The following RNF14 variants were observed in gnomAD, a reference collection of about 807,000 sequenced individuals.
RNF14 encodes the protein ring finger protein 14.
In RNF14, 26 loss-of-function variants were observed where a neutral mutation model predicts 52.6. The observed-to-expected ratio is 0.49, with a 90% CI of 0.36 to 0.69. RNF14 has a LOEUF of 0.69. Ranked by LOEUF, RNF14 falls within the 30% of genes least tolerant of loss-of-function variation. The probability of loss-of-function intolerance (pLI) is 0.00; values close to 1 mark genes in which losing one functional copy is unlikely to be tolerated. For missense variants in RNF14, 404 were observed against 560.4 expected (o/e 0.72, Z 2.82); for synonymous variants, 194 against 202.0 (o/e 0.96, Z 0.34).
At chr5:141,972,840 C>T (rs989896431) in intron 2 of RNF14, among the ~76,000 whole-genome samples, 4 of 152,184 alleles carry the variant, frequency 2.6e-5, no homozygotes, top group African/African-American at 9.7e-5. Flanking sequence ...ATTTGCCCGC[C>T]TCGGCCTACC....
rs764334086 is a variant in RNF14, at chr5:141,973,757, T to G, written c.154+15T>G. On this transcript the variant is annotated intron_variant, in intron 3 of 8. Transcript: ENST00000394520. ...ATTTGTGAGCGGTTAGTTAATAATTTCTTAAACAGATTTTTCTATTATTCT... is the reference window on the plus strand; with the variant it reads ...ATTTGTGAGCGGTTAGTTAATAATTGCTTAAACAGATTTTTCTATTATTCT... 6.3e-7 allele frequency: 1 copy of G among 1,577,916 alleles called. No individual in the cohort carries two copies. The highest frequency in any genetic ancestry group is 8.6e-7 in the Non-Finnish European group (1 of 1,165,508).
intron 2 of RNF14, among the ~76,000 whole-genome samples, chr5:141,972,712 T>C (rs946808141): frequency 4.6e-5 from 7 of 151,902 alleles, no homozygotes; most frequent in African/African-American, 1.7e-4. Context: ...TGCCTCAACC[T>C]CCCGAGTAGC....
chr5:141,955,791 G>A (rs267600464), upstream of RNF14: 3 of 1,613,828 alleles, frequency 1.9e-6, no homozygotes, highest in South Asian at 1.1e-5. This position sits in a 1 kb window ranked among gnomAD's most constrained non-coding sequence, Gnocchi z 5.5. Context: ...ACAGGGCTCG[G>A]GTCTGTAAGG....
upstream of RNF14, among the ~76,000 whole-genome samples, chr5:141,954,084 G>C (rs550656315): frequency 2.0e-5 from 3 of 150,772 alleles, no homozygotes; most frequent in African/African-American, 7.3e-5. Flanking sequence ...GCAGACACAG[G>C]GTAAGTTTGG....
Position 141,988,644 on chromosome 5 carries a change from C to T in RNF14, c.*854C>T, listed in dbSNP as rs1422157680. The T allele has an allele frequency of 1.3e-5, 2 of 152,184 alleles. No homozygotes were observed. The highest frequency in any genetic ancestry group is 2.4e-5 in the African/African-American group (1 of 41,390). The allele number at this position is 152,184 out of a possible 1,614,324, so 9.4% of individuals were successfully genotyped here. A position where few individuals can be genotyped will look rare whatever the true frequency, so the allele number is the denominator to read the frequency against. ...GTAAGGATGATTTTAATATTAATTC[C>T]AGGAACACATGTTTTTATTTCCTCT... is the stretch of plus-strand genomic sequence containing the variant. On this transcript the variant is annotated 3_prime_UTR_variant, in exon 9 of 9. Coordinates refer to ENST00000394520, the MANE Select transcript of RNF14 (RefSeq NM_004290.5).
At chr5:141,982,069 T>C (rs976043292) in intron 6 of RNF14, among the ~76,000 whole-genome samples, 1 of 152,158 alleles carries the variant, frequency 6.6e-6, no homozygotes, top group Admixed American at 6.5e-5. Flanking sequence ...GCCTTTACTT[T>C]AGACTTCTGT....
intron 5 of RNF14, among the ~76,000 whole-genome samples, chr5:141,979,379 G>C (rs1754559282): frequency 6.6e-6 from 1 of 152,088 alleles, no homozygotes; most frequent in African/African-American, 2.4e-5. Flanking sequence ...CTCCCAAGTA[G>C]CTGGGATTAC....
chr5:141,970,560 G>T lies in RNF14; in HGVS notation c.-180-144G>T, dbSNP rs1405581377. 2.0e-5 allele frequency: 3 copies of T among 152,230 alleles called. No individual in the cohort carries two copies. The East Asian group carries it at 5.8e-4, about 29-fold the overall frequency. 9.4% of individuals were successfully genotyped at this position (152,230 alleles called of 1,614,324 possible). A position where few individuals can be genotyped will look rare whatever the true frequency, so the allele number is the denominator to read the frequency against. On this transcript the variant is annotated intron_variant, in intron 1 of 8. Transcript: ENST00000394520. ...CTCCTTTAACCACATGGCTCAGTTA[G>T]CCTGCCCTAGGAGAGTAACATGCAC...
chr5:141,954,748 A>G (rs1026465465), upstream of RNF14, among the ~76,000 whole-genome samples: 3 of 152,234 alleles, frequency 2.0e-5, no homozygotes, highest in Admixed American at 2.0e-4. Flanking sequence ...ATTTACAGAT[A>G]AGACAACTAA....
At chr5:141,979,408 C>T (rs1360904375) in intron 5 of RNF14, among the ~76,000 whole-genome samples, 3 of 152,116 alleles carry the variant, frequency 2.0e-5, no homozygotes, top group Non-Finnish European at 4.4e-5. Flanking sequence ...GCCACCATGC[C>T]CGGCTAATTT....
intron 1 of RNF14, chr5:141,970,497 A>G (rs906906763): frequency 6.7e-6 from 1 of 149,052 alleles, no homozygotes; most frequent in Non-Finnish European, 1.5e-5. Context: ...GGGCAGACAG[A>G]TAAAAAGTCC....
Position 141,980,688 on chromosome 5 carries a change from G to T in RNF14, c.1063+337G>T, listed in dbSNP as rs200100128. ...CTTGGGATTTTAGTTAGGGAAAACA[G>T]GGGAGGCCTCACCGGCAAAATGGTT... On this transcript the variant is annotated intron_variant, in intron 6 of 8. Coordinates refer to ENST00000394520, the MANE Select transcript of RNF14 (RefSeq NM_004290.5). Among the ~76,000 whole-genome samples, 4 of 10,086 alleles carry T rather than the reference G, an allele frequency of 4.0e-4. No individual in the cohort carries two copies. In the South Asian group the frequency reaches 0.028, roughly 70 times the overall value. The allele number at this position is 10,086 out of a possible 152,430, so 6.6% of individuals were successfully genotyped here. A position where few individuals can be genotyped will look rare whatever the true frequency, so the allele number is the denominator to read the frequency against.
chr5:141,960,450 C>T (rs902997140), intron 1 of RNF14, among the ~76,000 whole-genome samples: 3 of 152,144 alleles, frequency 2.0e-5, no homozygotes, highest in African/African-American at 4.8e-5. Flanking sequence ...GCAAAGGCCC[C>T]GAAGTGGGCA....
In RNF14 at chr5:141,973,681, C is replaced by A; in HGVS notation, c.93C>A (p.Val31=). Residue 31 remains valine (V), a synonymous_variant, in exon 3 of 9, where the codon GTC becomes GTA. Coordinates refer to ENST00000394520, the MANE Select transcript of RNF14 (RefSeq NM_004290.5). ...ATGAATTTAGAAAAGCAGAGTCTGT[C>A]CAAGGTGGAGAAACCAGGATCTATT... ...DGDEFRKAES[V]QGGETRIYLD... The A allele has an allele frequency of 6.2e-7, 1 of 1,613,542 alleles. No homozygotes were observed. Among genetic ancestry groups the A allele is most frequent in the South Asian group, 1.1e-5 (1 of 90,958 alleles).
intron 5 of RNF14, 24 bp from the exon 6 acceptor site, chr5:141,980,099 A>C: frequency 6.3e-7 from 1 of 1,589,366 alleles, no homozygotes. Context: ...CATCAAACCT[A>C]TGGTGTTTTG....
intron 4 of RNF14, 70 bp downstream of exon 4, chr5:141,975,025 T>G (rs1392764826): frequency 6.7e-7 from 1 of 1,492,510 alleles, no homozygotes; most frequent in Non-Finnish European, 9.2e-7. Flanking sequence ...TTGAAGACTA[T>G]CTTAAAGATC....
intron 8 of RNF14, among the ~76,000 whole-genome samples, chr5:141,986,511 T>C (rs574288973): frequency 5.3e-5 from 8 of 152,266 alleles, no homozygotes; most frequent in Admixed American, 3.3e-4. Flanking sequence ...TTCCCCAGTC[T>C]TGCCTTATTC....
upstream of RNF14, among the ~76,000 whole-genome samples, chr5:141,962,375 A>C (rs1238059996): frequency 2.0e-5 from 3 of 152,240 alleles, no homozygotes; most frequent in Non-Finnish European, 4.4e-5. Context: ...GGAAAGCTTT[A>C]CAAAATACCA....
At chr5:141,960,296 G>A (rs1238724050) in intron 1 of RNF14, among the ~76,000 whole-genome samples, 4 of 152,258 alleles carry the variant, frequency 2.6e-5, no homozygotes, top group African/African-American at 7.2e-5. Context: ...CGAGAGGCCA[G>A]TAGAATGGCT....
Sources: allele counts gnomAD v4.1 joint callset (sites outside exome capture counted in the v4.1 genomes callset), GRCh38; gene constraint gnomAD v4.1.1; non-coding constraint Gnocchi (gnomAD v3.1); transcripts MANE v1.5; gene names NCBI Gene and HGNC (gene_info 2026-07-23, HGNC 2026-07-21).